Variants in PTPRT observed in about 807,000 individuals in gnomAD.
PTPRT encodes the protein protein tyrosine phosphatase receptor type T, also known as receptor-type tyrosine-protein phosphatase T.
A neutral mutation model predicts 176.8 loss-of-function variants in PTPRT; 56 were observed. The ratio of observed to expected loss-of-function variants is 0.32; its 90% confidence interval spans 0.26 to 0.40. The LOEUF (loss-of-function observed/expected upper bound fraction) is 0.40. Among genes scored for constraint, PTPRT ranks in the 10% least tolerant of loss-of-function variants. PTPRT has a pLI of 1.00. For synonymous variants in PTPRT, 783 were observed against 739.0 expected (o/e 1.06, Z -0.96); for missense variants, 1,540 against 1,908.2 (o/e 0.81, Z 3.60).
At chr20:42,060,576 G>A in the PTPRT span, among the ~76,000 whole-genome samples, 2 of 152,252 alleles carry the variant, frequency 1.3e-5, no homozygotes, top group East Asian at 1.9e-4. Flanking sequence ...AAGATCTGAT[G>A]GTTTTAAAAA....
intron 1 of PTPRT, among the ~76,000 whole-genome samples, chr20:43,110,506 A>G (rs2012809282): frequency 6.6e-6 from 1 of 152,222 alleles, no homozygotes; most frequent in Non-Finnish European, 1.5e-5. Flanking sequence ...ACCTTTGGGG[A>G]GAACAGTAAC....
intron 1 of PTPRT, among the ~76,000 whole-genome samples, chr20:42,986,705 C>T (rs1983598085): frequency 6.6e-6 from 1 of 152,172 alleles, no homozygotes; most frequent in Non-Finnish European, 1.5e-5. Context: ...ATGGATTTAT[C>T]TCATTTGAGG....
intron 7 of PTPRT, among the ~76,000 whole-genome samples, chr20:42,670,366 G>A (rs562198364): frequency 1.3e-5 from 2 of 152,142 alleles, no homozygotes; most frequent in East Asian, 1.9e-4. Context: ...AACACATCCC[G>A]GTCACCCAGC....
chr20:43,105,728 C>T (rs1012812297), intron 1 of PTPRT, among the ~76,000 whole-genome samples: 6 of 152,196 alleles, frequency 3.9e-5, no homozygotes, highest in Non-Finnish European at 8.8e-5. Context: ...GGACTCATCA[C>T]ATAAAATTCT....
intron 15 of PTPRT, among the ~76,000 whole-genome samples, chr20:42,226,495 C>CA (rs1372653551): frequency 6.6e-6 from 1 of 152,134 alleles, no homozygotes; most frequent in African/African-American, 2.4e-5. Context: ...TCCCTAAAAA[C>CA]AAACAAAATG....
At chr20:42,425,718 C>A (rs920920227) in intron 9 of PTPRT, among the ~76,000 whole-genome samples, 3 of 152,086 alleles carry the variant, frequency 2.0e-5, no homozygotes, top group African/African-American at 7.2e-5. Flanking sequence ...ATGTTGCACA[C>A]CCTAAACAGA....
At chr20:42,575,097 A>G (rs2073233196) in intron 7 of PTPRT, among the ~76,000 whole-genome samples, 1 of 152,196 alleles carries the variant, frequency 6.6e-6, no homozygotes, top group South Asian at 2.1e-4. Context: ...GGGAAAAAGG[A>G]CCGACTGGTG....
At chr20:42,676,026 A>G (rs1456813707) in intron 7 of PTPRT, among the ~76,000 whole-genome samples, 4 of 152,188 alleles carry the variant, frequency 2.6e-5, no homozygotes, top group Admixed American at 6.5e-5. Flanking sequence ...GCTCATCACC[A>G]ATGCTTGCCA....
At chr20:42,567,870 A>C (rs577255271) in intron 7 of PTPRT, among the ~76,000 whole-genome samples, 1 of 152,228 alleles carries the variant, frequency 6.6e-6, no homozygotes, top group South Asian at 2.1e-4. Context: ...TGACTGTCTT[A>C]ATTAGTATTG....
chr20:42,907,819 G>A (rs2079497724), intron 1 of PTPRT, among the ~76,000 whole-genome samples: 1 of 143,514 alleles, frequency 7.0e-6, no homozygotes, highest in Non-Finnish European at 1.5e-5. Context: ...AACTGGAAGG[G>A]TACAAGTGGG....
At chr20:42,296,537 TA>T (rs927959722) in intron 12 of PTPRT, among the ~76,000 whole-genome samples, 12 of 151,928 alleles carry the variant, frequency 7.9e-5, no homozygotes, top group Non-Finnish European at 1.3e-4. Flanking sequence ...AATGAAATTT[TA>T]AAATAAAAGA....
In PTPRT at chr20:42,368,857, G is replaced by A. The variant is rs1022072265; in HGVS notation, c.1561-16572C>T. ...GCTCATACTGGCTTCTTGCCTTATCGCTGTCTCACTGGGTTCACTGTTAGC... is the reference window on the plus strand; with the variant it reads ...GCTCATACTGGCTTCTTGCCTTATCACTGTCTCACTGGGTTCACTGTTAGC... On this transcript the variant is annotated intron_variant, in intron 9 of 30. Transcript: ENST00000373187. Among the ~76,000 whole-genome samples the A allele has an allele frequency of 5.1e-4, 77 of 152,052 alleles. 3 individuals are homozygous for A. Among genetic ancestry groups the A allele is most frequent in the Non-Finnish European group, 5.9e-5 (4 of 68,002 alleles).
intron 1 of PTPRT, among the ~76,000 whole-genome samples, chr20:43,055,472 T>C (rs1038821346): frequency 6.6e-6 from 1 of 152,174 alleles, no homozygotes; most frequent in Non-Finnish European, 1.5e-5. Context: ...AAGTCTTTCC[T>C]GGGACTCTGA....
chr20:42,747,276 G>T (rs927361005), intron 6 of PTPRT, among the ~76,000 whole-genome samples: 9 of 152,170 alleles, frequency 5.9e-5, no homozygotes, highest in African/African-American at 2.2e-4. Context: ...TCACATGCTT[G>T]TAAAGTAAGG....
chr20:42,903,149 C>A (rs780569651), intron 1 of PTPRT, among the ~76,000 whole-genome samples: 2 of 152,206 alleles, frequency 1.3e-5, no homozygotes, highest in Non-Finnish European at 2.9e-5. Context: ...CCTTATTGAG[C>A]AGCTAATCTT....
At chr20:42,504,158 A>T (rs1175108967) in intron 7 of PTPRT, among the ~76,000 whole-genome samples, 2 of 152,168 alleles carry the variant, frequency 1.3e-5, no homozygotes, top group South Asian at 2.1e-4. Context: ...TGCCTGGAAT[A>T]AAATAGAGGA....
intron 12 of PTPRT, among the ~76,000 whole-genome samples, chr20:42,293,544 A>G (rs931010542): frequency 1.3e-5 from 2 of 152,158 alleles, no homozygotes; most frequent in South Asian, 2.1e-4. Flanking sequence ...ATCCTCTTTC[A>G]TCATTTGTAT....
downstream of PTPRT, among the ~76,000 whole-genome samples, chr20:42,070,310 C>G (rs1401573419): frequency 6.6e-6 from 1 of 151,528 alleles, no homozygotes; most frequent in Non-Finnish European, 1.5e-5. Flanking sequence ...CCAGAGCTAC[C>G]AATCAAGGTG....
chr20:42,649,836 C>T (rs1019220410), intron 7 of PTPRT, among the ~76,000 whole-genome samples: 1 of 151,860 alleles, frequency 6.6e-6, no homozygotes, highest in African/African-American at 2.4e-5. Context: ...CAAGCATCTG[C>T]AGCACAGAGC....
Sources: allele counts gnomAD v4.1 joint callset (sites outside exome capture counted in the v4.1 genomes callset), GRCh38; gene constraint gnomAD v4.1.1; transcripts MANE v1.5; gene names NCBI Gene and HGNC (gene_info 2026-07-23, HGNC 2026-07-21).